The following ADAM32 variants were observed in gnomAD, a reference collection of about 807,000 sequenced individuals.
ADAM32 encodes ADAM metallopeptidase domain 32, also known as disintegrin and metalloproteinase domain-containing protein 32.
ADAM32 carries 89 observed loss-of-function variants against 114.9 expected under a neutral mutation model. That is an observed-to-expected ratio of 0.77 (90% confidence interval 0.65 to 0.92). ADAM32 has a LOEUF of 0.92. ADAM32 is among the 40% of genes least tolerant of loss of function. The pLI is 0.00. For synonymous variants in ADAM32, 285 were observed against 307.5 expected (o/e 0.93, Z 0.77); for missense variants, 870 against 932.8 (o/e 0.93, Z 0.88).
At chr8:39,254,596 C>A in intron 18 of ADAM32, 80 bp downstream of exon 18, 1 of 1,132,076 alleles carries the variant, frequency 8.8e-7, no homozygotes, top group Non-Finnish European at 1.2e-6. Context: ...TTCGATTTTT[C>A]CACTTACAAG....
intron 14 of ADAM32, among the ~76,000 whole-genome samples, chr8:39,228,686 T>A (rs1809549428): frequency 6.6e-6 from 1 of 152,176 alleles, no homozygotes; most frequent in Non-Finnish European, 1.5e-5. Flanking sequence ...GGGATTTTGT[T>A]AAATGATCAA....
At chr8:39,254,837 A>G (rs1811540160) in intron 18 of ADAM32, among the ~76,000 whole-genome samples, 1 of 151,750 alleles carries the variant, frequency 6.6e-6, no homozygotes, top group Non-Finnish European at 1.5e-5. Flanking sequence ...ACTGTACCCA[A>G]TGTGTAGTCT....
chr8:39,147,105 A>G (rs1353506958), intron 3 of ADAM32, 25 bp from the exon 4 acceptor site: 4 of 895,538 alleles, frequency 4.5e-6, no homozygotes, highest in Non-Finnish European at 6.0e-6. Flanking sequence ...ATAATTAAAA[A>G]AATTTCCTCT....
At chr8:39,107,933 C>T (rs1839994909) in intron 1 of ADAM32, 100 bp downstream of exon 1, 2 of 1,391,368 alleles carry the variant, frequency 1.4e-6, no homozygotes, top group Admixed American at 3.1e-5. Flanking sequence ...TCCCTTTGGT[C>T]CTGTCACCCT....
intron 1 of ADAM32, among the ~76,000 whole-genome samples, chr8:39,112,230 C>A (rs1050740632): frequency 1.3e-4 from 19 of 151,948 alleles, no homozygotes; most frequent in Admixed American, 4.6e-4. Context: ...CATATACGGT[C>A]CTTTTGAAGT....
chr8:39,161,594 G>C (rs193144331), intron 7 of ADAM32, among the ~76,000 whole-genome samples: 5 of 152,234 alleles, frequency 3.3e-5, no homozygotes, highest in Non-Finnish European at 7.4e-5. Flanking sequence ...TCAGAAAATA[G>C]AGATTAAAAA....
intron 5 of ADAM32, 132 bp downstream of exon 5, chr8:39,149,999 G>T: frequency 1.8e-6 from 1 of 561,710 alleles, no homozygotes; most frequent in South Asian, 3.6e-5. Context: ...ATCCCCCTCT[G>T]AACATGTTTC....
chr8:39,253,248 C>T (rs1412392459), intron 17 of ADAM32, among the ~76,000 whole-genome samples: 1 of 151,548 alleles, frequency 6.6e-6, no homozygotes, highest in African/African-American at 2.4e-5. Flanking sequence ...ATCCAACACC[C>T]TTTCATTATA....
At chr8:39,193,018 T>C (rs1406412724) in intron 11 of ADAM32, among the ~76,000 whole-genome samples, 1 of 152,198 alleles carries the variant, frequency 6.6e-6, no homozygotes, top group Non-Finnish European at 1.5e-5. Flanking sequence ...TTGTGAAGCA[T>C]ATTGTGGAGG....
chr8:39,231,257 T>C (rs529772769), intron 14 of ADAM32, among the ~76,000 whole-genome samples: 1 of 152,278 alleles, frequency 6.6e-6, no homozygotes, highest in African/African-American at 2.4e-5. Context: ...TGCTGTGTTC[T>C]GAGGTGCCAT....
intron 3 of ADAM32, among the ~76,000 whole-genome samples, chr8:39,138,514 T>A (rs1317237792): frequency 2.0e-5 from 3 of 152,232 alleles, no homozygotes; most frequent in African/African-American, 7.2e-5. Flanking sequence ...CATCCTTTTT[T>A]ATGGCTGCAT....
intron 16 of ADAM32, among the ~76,000 whole-genome samples, chr8:39,240,490 A>G (rs919195137): frequency 6.6e-6 from 1 of 152,260 alleles, no homozygotes; most frequent in African/African-American, 2.4e-5. Flanking sequence ...GAAAAAATAG[A>G]CAACCTAAGG....
At chr8:39,170,273 T>C (rs1805110306) in intron 10 of ADAM32, among the ~76,000 whole-genome samples, 1 of 152,128 alleles carries the variant, frequency 6.6e-6, no homozygotes, top group Admixed American at 6.5e-5. Flanking sequence ...TTATCTGCAG[T>C]AAAATTTCTA....
chr8:39,191,112 C>T (rs1162596324), intron 11 of ADAM32, among the ~76,000 whole-genome samples: 5 of 152,146 alleles, frequency 3.3e-5, no homozygotes, highest in Non-Finnish European at 4.4e-5. Context: ...CATAGTATTC[C>T]GTGGTGTGCG....
intron 14 of ADAM32, among the ~76,000 whole-genome samples, chr8:39,229,508 A>G (rs1354881082): frequency 6.6e-6 from 1 of 152,222 alleles, no homozygotes; most frequent in Non-Finnish European, 1.5e-5. Context: ...GGAAAAAGGC[A>G]TTTCATGCAA....
intron 10 of ADAM32, among the ~76,000 whole-genome samples, chr8:39,181,273 G>C (rs559578081): frequency 6.6e-6 from 1 of 152,222 alleles, no homozygotes; most frequent in African/African-American, 2.4e-5. Flanking sequence ...TGAAGCCAGC[G>C]AGCCCATGAG....
intron 17 of ADAM32, among the ~76,000 whole-genome samples, chr8:39,248,275 T>C (rs1007215683): frequency 1.3e-5 from 2 of 152,228 alleles, no homozygotes; most frequent in Admixed American, 6.5e-5. Flanking sequence ...TAGATCAAGT[T>C]AGTAAGAACT....
chr8:39,118,017 A>G, intron 1 of ADAM32, 69 bp from the exon 2 acceptor site: 1 of 1,061,838 alleles, frequency 9.4e-7, no homozygotes, highest in Non-Finnish European at 1.3e-6. Flanking sequence ...ACTTTATGAA[A>G]GAAACTGAAC....
intron 11 of ADAM32, among the ~76,000 whole-genome samples, chr8:39,190,482 C>T (rs1362324586): frequency 1.3e-5 from 2 of 152,220 alleles, no homozygotes; most frequent in African/African-American, 4.8e-5. Context: ...TACTTCCTAT[C>T]ATGGCTGTAT....
Sources: gnomAD v4.1 joint callset for allele counts (sites outside exome capture counted in the v4.1 genomes callset) on GRCh38, gnomAD v4.1.1 for gene constraint, MANE v1.5 for transcripts, NCBI Gene and HGNC (gene_info 2026-07-23, HGNC 2026-07-21) for gene names.